Variants in RSF1 observed in about 807,000 individuals in gnomAD.
The protein encoded by RSF1 is remodeling and spacing factor 1, also known as HBV pX-associated protein 8.
In RSF1, 13 loss-of-function variants were observed where a neutral mutation model predicts 145.2. The observed-to-expected ratio is 0.09, with a 90% CI of 0.06 to 0.14. The LOEUF is 0.14. Ranked by LOEUF, RSF1 falls within the 10% of genes least tolerant of loss-of-function variation. The pLI is 1.00. For missense variants in RSF1, 1,517 were observed against 1,718.2 expected (o/e 0.88, Z 2.07); for synonymous variants, 577 against 592.6 (o/e 0.97, Z 0.38).
chr11:77,669,344 A>G (rs1189273609), intron 15 of RSF1, among the ~76,000 whole-genome samples: 1 of 152,124 alleles, frequency 6.6e-6, no homozygotes, highest in Admixed American at 6.5e-5. Context: ...AGCAAATTAA[A>G]ATCTAAGTCA....
At chr11:77,748,872 TC>T (rs545060338) in intron 2 of RSF1, among the ~76,000 whole-genome samples, 31 of 152,336 alleles carry the variant, frequency 2.0e-4, no homozygotes, top group Non-Finnish European at 4.4e-4. Flanking sequence ...CAAATGTTCC[TC>T]GCAGTATTAT....
intron 4 of RSF1, chr11:77,734,967 G>A: frequency 6.3e-7 from 1 of 1,596,760 alleles, no homozygotes; most frequent in Admixed American, 1.7e-5. Flanking sequence ...GGCGGTTGAT[G>A]GCGGCCTCTG....
chr11:77,824,231 T>A (rs189418621), upstream of RSF1, among the ~76,000 whole-genome samples: 217 of 152,334 alleles, frequency 1.4e-3, no homozygotes, highest in African/African-American at 4.6e-3. Context: ...AACGACAATT[T>A]ATGTAGTTAT....
At chr11:77,795,613 G>A (rs561642567) in intron 1 of RSF1, among the ~76,000 whole-genome samples, 39 of 152,278 alleles carry the variant, frequency 2.6e-4, no homozygotes, top group Non-Finnish European at 5.1e-4. Flanking sequence ...ACCTACACTG[G>A]GGAAAGGACA....
chr11:77,853,728 G>A, the RSF1 span, among the ~76,000 whole-genome samples: 3 of 152,138 alleles, frequency 2.0e-5, no homozygotes, highest in East Asian at 5.9e-4. Flanking sequence ...ATTGCTTCAG[G>A]TGAGGAGTTC....
intron 1 of RSF1, among the ~76,000 whole-genome samples, chr11:77,770,689 A>G (rs1245619362): frequency 6.6e-6 from 1 of 152,248 alleles, no homozygotes; most frequent in Non-Finnish European, 1.5e-5. Flanking sequence ...TTCAGAACCA[A>G]AAACTAGAAA....
intron 11 of RSF1, among the ~76,000 whole-genome samples, chr11:77,683,125 T>C (rs1326337792): frequency 1.3e-5 from 2 of 151,856 alleles, no homozygotes; most frequent in Admixed American, 6.6e-5. Flanking sequence ...ACCCCGTCTC[T>C]ACTAAAAATA....
At chr11:77,766,380 T>G (rs1216679353) in intron 1 of RSF1, among the ~76,000 whole-genome samples, 1 of 152,188 alleles carries the variant, frequency 6.6e-6, no homozygotes, top group Non-Finnish European at 1.5e-5. Flanking sequence ...AACAACACTT[T>G]GAAATATAAA....
the RSF1 span, among the ~76,000 whole-genome samples, chr11:77,862,937 G>C: frequency 6.6e-6 from 1 of 152,200 alleles, no homozygotes; most frequent in South Asian, 2.1e-4. Flanking sequence ...TTTTGCCTTG[G>C]GGGGAACGTT....
intron 2 of RSF1, among the ~76,000 whole-genome samples, chr11:77,755,732 A>G (rs561989045): frequency 1.4e-4 from 22 of 152,118 alleles, no homozygotes; most frequent in Admixed American, 5.2e-4. Flanking sequence ...GGTACGCGCC[A>G]CCATGCCTGG....
chr11:77,870,061 C>CTTT, the RSF1 span: 2 of 281,362 alleles, frequency 7.1e-6, no homozygotes. Flanking sequence ...ACAAGGATCA[C>CTTT]TATTTGGTCC....
chr11:77,755,968 T>C (rs1175791277), intron 2 of RSF1, among the ~76,000 whole-genome samples: 1 of 152,128 alleles, frequency 6.6e-6, no homozygotes, highest in Non-Finnish European at 1.5e-5. Flanking sequence ...ACAAACATGA[T>C]GAGTATATGA....
chr11:77,671,167 A>T (rs1217220703), intron 15 of RSF1, among the ~76,000 whole-genome samples: 2 of 99,528 alleles, frequency 2.0e-5, no homozygotes, highest in South Asian at 3.3e-4. Flanking sequence ...ATATATATAT[A>T]TATATATATA....
At chr11:77,829,614 C>T in the RSF1 span, 5 of 152,200 alleles carry the variant, frequency 3.3e-5, no homozygotes, top group Non-Finnish European at 5.9e-5. Context: ...CAGAATGTTT[C>T]AGACGACTAC....
At chr11:77,728,447 G>T (rs1961110789) in intron 4 of RSF1, among the ~76,000 whole-genome samples, 1 of 151,800 alleles carries the variant, frequency 6.6e-6, no homozygotes, top group African/African-American at 2.4e-5. Context: ...GGGCGAGGCA[G>T]GCAGATCACC....
intron 2 of RSF1, among the ~76,000 whole-genome samples, chr11:77,756,358 C>CA (rs936128985): frequency 0.05 from 2,697 of 53,982 alleles, 55 homozygotes; most frequent in African/African-American, 0.11. Context: ...AACTCTGTCT[C>CA]AAAAAAAAAA....
intron 1 of RSF1, among the ~76,000 whole-genome samples, chr11:77,800,544 T>A (rs1948616384): frequency 6.6e-6 from 1 of 152,108 alleles, no homozygotes; most frequent in Non-Finnish European, 1.5e-5. Flanking sequence ...CAGTACCAGA[T>A]GGCTTCACTA....
chr11:77,737,619 GGGGTGTGTGTGTGTGTGTGTGT>G (rs1426457938), intron 4 of RSF1, among the ~76,000 whole-genome samples: 4 of 102,386 alleles, frequency 3.9e-5, no homozygotes, highest in South Asian at 3.7e-4. Context: ...TGTGTTTTGG[GGGGTGTGTGTGTGTGTGTGTGT>G]GTGTGTGTGT....
intron 1 of RSF1, among the ~76,000 whole-genome samples, chr11:77,790,805 G>A (rs1007978941): frequency 2.6e-5 from 4 of 152,170 alleles, no homozygotes; most frequent in African/African-American, 9.7e-5. Flanking sequence ...TCATATACAG[G>A]TCACGCTGAT....
Sources: allele counts gnomAD v4.1 joint callset (sites outside exome capture counted in the v4.1 genomes callset), GRCh38; gene constraint gnomAD v4.1.1; transcripts MANE v1.5; gene names NCBI Gene and HGNC (gene_info 2026-07-23, HGNC 2026-07-21).